The following CLDN16 variants were observed in gnomAD, a reference collection of about 807,000 sequenced individuals.
The protein encoded by CLDN16 is claudin-16.
CLDN16 carries 13 observed loss-of-function variants against 24.6 expected under a neutral mutation model. That is an observed-to-expected ratio of 0.53 (90% confidence interval 0.34 to 0.84). The LOEUF (loss-of-function observed/expected upper bound fraction) is 0.84, where lower values mean the gene tolerates loss of function less well. Ranked by LOEUF, CLDN16 falls within the 40% of genes least tolerant of loss-of-function variation. The pLI is 0.01. For missense variants in CLDN16, 298 were observed against 292.7 expected (o/e 1.02, Z -0.13); for synonymous variants, 116 against 106.7 (o/e 1.09, Z -0.54).
upstream of CLDN16, among the ~76,000 whole-genome samples, chr3:190,317,785 G>A (rs1265216396): frequency 6.6e-6 from 1 of 152,138 alleles, no homozygotes; most frequent in African/African-American, 2.4e-5. Flanking sequence ...TGCAGGCTTT[G>A]GACTCTCAGA....
chr3:190,402,534 T>A (rs566495939), intron 2 of CLDN16, 95 bp downstream of exon 2: 71 of 932,406 alleles, frequency 7.6e-5, no homozygotes, highest in Middle Eastern at 2.1e-4. Context: ...TCTATTGTAC[T>A]ATATTAAGGT....
chr3:190,302,780 ATAT>A, the CLDN16 span, among the ~76,000 whole-genome samples: 38 of 131,444 alleles, frequency 2.9e-4, no homozygotes, highest in South Asian at 2.6e-3. Context: ...TCAAAAAAAA[ATAT>A]ATATATATAT....
upstream of CLDN16, chr3:190,322,102 A>C: frequency 6.2e-7 from 1 of 1,614,206 alleles, no homozygotes; most frequent in Non-Finnish European, 8.5e-7. Flanking sequence ...TGTCGCCGGC[A>C]TAGGAGTAAA....
chr3:190,346,964 C>T (rs535856998), intron 1 of CLDN16, among the ~76,000 whole-genome samples: 52 of 152,256 alleles, frequency 3.4e-4, no homozygotes, highest in Non-Finnish European at 6.2e-4. Flanking sequence ...TAAGTTCACA[C>T]GCCGAGGTTT....
At chr3:190,326,656 TCA>T (rs903129340) in intron 1 of CLDN16, among the ~76,000 whole-genome samples, 31 of 152,070 alleles carry the variant, frequency 2.0e-4, no homozygotes, top group African/African-American at 7.5e-4. Context: ...AAACAAAACC[TCA>T]GTTTGATATT....
intron 3 of CLDN16, among the ~76,000 whole-genome samples, chr3:190,407,915 C>A (rs1336924539): frequency 2.0e-5 from 3 of 152,138 alleles, no homozygotes; most frequent in Non-Finnish European, 4.4e-5. Context: ...ACAGAATGAA[C>A]ATATGCTCTA....
the CLDN16 span, among the ~76,000 whole-genome samples, chr3:190,296,676 A>G: frequency 2.0e-5 from 3 of 150,954 alleles, no homozygotes; most frequent in African/African-American, 7.3e-5. Context: ...CAGCCTCCCG[A>G]GTAGCTGGAA....
rs762831659 is a variant in CLDN16, at chr3:190,402,398, G to A, written c.176G>A (p.Arg59His). The A allele has an allele frequency of 8.1e-6, 13 of 1,613,808 alleles. No homozygotes were observed. The highest frequency in any genetic ancestry group is 1.3e-5 in the African/African-American group (1 of 74,870). ...ECVTNAFDGIRTCDEYDSILA... is the reference protein window; with the variant it reads ...ECVTNAFDGIHTCDEYDSILA... ...GTCACAAATGCTTTTGATGGGATTC[G>A]CACCTGTGATGAGTACGATTCCATA... Residue 59 changes from arginine to histidine, a missense_variant, in exon 2 of 5, where the codon CGC becomes CAC. Physicochemically the swap from Arg to His is conservative, Grantham distance 29. Transcript: ENST00000264734.
the CLDN16 span, among the ~76,000 whole-genome samples, chr3:190,296,960 C>T: frequency 6.6e-6 from 1 of 152,100 alleles, no homozygotes; most frequent in Admixed American, 6.5e-5. Flanking sequence ...AGAGAATAAA[C>T]AGTAGGACCA....
At chr3:190,385,821 T>G (rs1718484630), upstream of CLDN16, among the ~76,000 whole-genome samples, 1 of 152,182 alleles carries the variant, frequency 6.6e-6, no homozygotes, top group African/African-American at 2.4e-5. Context: ...TGTTTTTCTT[T>G]TGTTGTTCTA....
chr3:190,293,696 A>G, the CLDN16 span, among the ~76,000 whole-genome samples: 1 of 152,220 alleles, frequency 6.6e-6, no homozygotes, highest in Non-Finnish European at 1.5e-5. Flanking sequence ...AACAGGATTT[A>G]ATAATGGATT....
chr3:190,399,114 T>C (rs1233644276), intron 1 of CLDN16, among the ~76,000 whole-genome samples: 1 of 152,204 alleles, frequency 6.6e-6, no homozygotes, highest in Non-Finnish European at 1.5e-5. Context: ...AGCCTTGGGA[T>C]GAGATCCAAG....
intron 1 of CLDN16, among the ~76,000 whole-genome samples, chr3:190,399,696 A>G (rs1000836406): frequency 2.6e-5 from 4 of 152,066 alleles, no homozygotes; most frequent in Admixed American, 1.3e-4. Flanking sequence ...CCTTTTTTCT[A>G]GCTATTTGAA....
the CLDN16 span, among the ~76,000 whole-genome samples, chr3:190,295,025 T>G: frequency 6.6e-6 from 1 of 152,150 alleles, no homozygotes; most frequent in Admixed American, 6.5e-5. Context: ...AGAGGCATTA[T>G]CTCAGGGCTC....
chr3:190,399,731 A>G (rs1718914930), intron 1 of CLDN16, among the ~76,000 whole-genome samples: 3 of 152,168 alleles, frequency 2.0e-5, no homozygotes, highest in African/African-American at 7.2e-5. Flanking sequence ...AACAATAGCC[A>G]TCCTAGAGTG....
chr3:190,336,370 C>T (rs1033945927), intron 1 of CLDN16, among the ~76,000 whole-genome samples: 1 of 152,160 alleles, frequency 6.6e-6, no homozygotes, highest in Admixed American at 6.5e-5. Context: ...GCCACATATA[C>T]GATGCTTTTA....
chr3:190,361,537 C>T (rs1443524213), intron 1 of CLDN16, among the ~76,000 whole-genome samples: 3 of 151,946 alleles, frequency 2.0e-5, no homozygotes, highest in Admixed American at 1.3e-4. Flanking sequence ...AAATTAGCTA[C>T]AAGATTAGAA....
At chr3:190,296,222 C>T in the CLDN16 span, among the ~76,000 whole-genome samples, 11 of 152,312 alleles carry the variant, frequency 7.2e-5, no homozygotes, top group East Asian at 1.3e-3. Flanking sequence ...ATAAAGCATT[C>T]ATTCTCATGA....
the CLDN16 span, among the ~76,000 whole-genome samples, chr3:190,315,081 T>C: frequency 6.6e-5 from 10 of 152,198 alleles, no homozygotes; most frequent in Admixed American, 2.0e-4. Flanking sequence ...TTCTGATGGA[T>C]GGTTTTTGCA....
Sources: allele counts gnomAD v4.1 joint callset (sites outside exome capture counted in the v4.1 genomes callset), GRCh38; gene constraint gnomAD v4.1.1; transcripts MANE v1.5; gene names NCBI Gene and HGNC (gene_info 2026-07-23, HGNC 2026-07-21).